GNA13: variants seen among roughly 807,000 people sequenced by gnomAD.
GNA13 encodes the protein G protein subunit alpha 13.
GNA13 carries 4 observed loss-of-function variants against 33.5 expected under a neutral mutation model. That is an observed-to-expected ratio of 0.12 (90% CI 0.06 to 0.27). The LOEUF is 0.27. Among genes scored for constraint, GNA13 ranks in the 10% least tolerant of loss-of-function variants. The probability of loss-of-function intolerance (pLI) is 1.00; values close to 1 mark genes in which losing one functional copy is unlikely to be tolerated. For missense variants in GNA13, 319 were observed against 487.2 expected (o/e 0.65, Z 3.25); for synonymous variants, 176 against 183.8 (o/e 0.96, Z 0.34).
chr17:65,038,609 G>C (rs1038435209), intron 2 of GNA13, among the ~76,000 whole-genome samples: 2 of 151,770 alleles, frequency 1.3e-5, no homozygotes, highest in Non-Finnish European at 2.9e-5. Flanking sequence ...ACGGGGTTGC[G>C]GGGGGGCGTT....
chr17:65,048,180 C>G (rs1260945163), intron 2 of GNA13, among the ~76,000 whole-genome samples: 1 of 152,146 alleles, frequency 6.6e-6, no homozygotes, highest in African/African-American at 2.4e-5. Context: ...ACACACTGTC[C>G]TGTCCTACGT....
rs550915245 is a variant in GNA13 at position 65,034,887 on chromosome 17, GC to G, written c.511-16585del. Reference sequence around the variant, plus strand: ...TGAAACCTCCGCCTCCCTGGTTCAAGCGATTCTCCTGCCTCAGCCTCCTGAG... The same window carrying G: ...TGAAACCTCCGCCTCCCTGGTTCAAGGATTCTCCTGCCTCAGCCTCCTGAG... On this transcript the variant is annotated intron_variant, in intron 2 of 3. Coordinates refer to ENST00000439174, the MANE Select transcript of GNA13 (RefSeq NM_006572.6). Among the ~76,000 whole-genome samples, 424 of 152,038 alleles carry G rather than the reference GC, an allele frequency of 2.8e-3. 1 individual carries two copies. In the Middle Eastern group the frequency reaches 0.031, roughly 11 times the overall value.
In GNA13 at chr17:65,013,707, A is replaced by G. The variant is rs1243656592; in HGVS notation, c.*550T>C. 3 of 208,412 alleles carry G rather than the reference A, an allele frequency of 1.4e-5. No homozygotes were observed. Among genetic ancestry groups the G allele is most frequent in the African/African-American group, 6.8e-5 (3 of 43,988 alleles). 12.9% of individuals were successfully genotyped at this position (208,412 alleles called of 1,614,324 possible). A position where few individuals can be genotyped will look rare whatever the true frequency, so the allele number is the denominator to read the frequency against. On this transcript the variant is annotated 3_prime_UTR_variant, in exon 4 of 4. Transcript: ENST00000439174. The stretch of plus-strand genomic sequence containing the variant: ...TCTAAAAGCAAAACAGCTGTTGTGT[A>G]TACAAGCAATTAAAATATGAAGGCT...
At chr17:65,024,370 C>CA (rs1354411005) in intron 2 of GNA13, among the ~76,000 whole-genome samples, 2 of 152,050 alleles carry the variant, frequency 1.3e-5, no homozygotes, top group Admixed American at 6.5e-5. Context: ...CTGACTCTGA[C>CA]AAAAAAATGC....
At chr17:65,026,912 G>A (rs1417181736) in intron 2 of GNA13, among the ~76,000 whole-genome samples, 2 of 152,142 alleles carry the variant, frequency 1.3e-5, no homozygotes, top group African/African-American at 4.8e-5. Context: ...CCAAGTAGCT[G>A]GGATTACAAG....
intron 2 of GNA13, among the ~76,000 whole-genome samples, chr17:65,020,302 G>T (rs1441778648): frequency 6.6e-6 from 1 of 152,164 alleles, no homozygotes; most frequent in Non-Finnish European, 1.5e-5. Context: ...AACAAGGAGT[G>T]ATCTGGCCAA....
rs1410052019 is a variant in GNA13, at chr17:65,012,461, C to G, written c.*1796G>C. 1 of 220,280 alleles carries G rather than the reference C, an allele frequency of 4.5e-6. No individual in the cohort carries two copies. Among genetic ancestry groups the G allele is most frequent in the African/African-American group, 2.2e-5 (1 of 44,600 alleles). 13.6% of individuals were successfully genotyped at this position (220,280 alleles called of 1,614,324 possible). ...ACTATTCAAACACGCATGAATGATA[C>G]CATGATACCACGAACATGCACGATA... On this transcript the variant is annotated 3_prime_UTR_variant, in exon 4 of 4. Coordinates refer to ENST00000439174, the MANE Select transcript of GNA13 (RefSeq NM_006572.6).
intron 2 of GNA13, among the ~76,000 whole-genome samples, chr17:65,038,209 C>G (rs1907327943): frequency 1.3e-5 from 2 of 152,146 alleles, no homozygotes; most frequent in Admixed American, 6.5e-5. Flanking sequence ...TCGAGACCAG[C>G]CTGGCCAATA....
intron 2 of GNA13, among the ~76,000 whole-genome samples, chr17:65,037,988 C>T (rs1907319875): frequency 6.6e-6 from 1 of 152,122 alleles, no homozygotes; most frequent in African/African-American, 2.4e-5. Context: ...ATCAAGCTGT[C>T]AACCTGGTAT....
At chr17:65,054,905 G>A (rs914399941) in intron 1 of GNA13, among the ~76,000 whole-genome samples, 3 of 152,158 alleles carry the variant, frequency 2.0e-5, no homozygotes, top group Non-Finnish European at 2.9e-5. Context: ...CATTACAGCA[G>A]GATAAATACA....
intron 3 of GNA13, among the ~76,000 whole-genome samples, 177 bp downstream of exon 3, chr17:65,018,076 A>G (rs1906434916): frequency 7.0e-6 from 1 of 143,542 alleles, no homozygotes; most frequent in African/African-American, 2.6e-5. Context: ...GCAGAGAAGA[A>G]TCAGAACGCC....
At chr17:65,018,570 C>G (rs1328440067) in intron 2 of GNA13, among the ~76,000 whole-genome samples, 2 of 152,174 alleles carry the variant, frequency 1.3e-5, no homozygotes, top group Non-Finnish European at 2.9e-5. Flanking sequence ...TACACGCATG[C>G]TTTTTGCTAT....
chr17:65,053,854 G>C (rs1907944273), intron 1 of GNA13, 126 bp from the exon 2 acceptor site: 1 of 624,442 alleles, frequency 1.6e-6, no homozygotes, highest in Non-Finnish European at 2.8e-6. Context: ...CAAAAATGAA[G>C]ACCAACATCG....
rs773411788 is a variant in GNA13 at position 65,012,810 on chromosome 17, T to C, written c.*1447A>G. 56 of 217,420 alleles carry C rather than the reference T, an allele frequency of 2.6e-4. No homozygotes were observed. The Admixed American group carries it at 3.0e-3, about 12-fold the overall frequency. 13.5% of individuals were successfully genotyped at this position (217,420 alleles called of 1,614,324 possible). A position where few individuals can be genotyped will look rare whatever the true frequency, so the allele number is the denominator to read the frequency against. The stretch of plus-strand genomic sequence containing the variant: ...ACAGTCTTAAAATTTTCAGGAAAAG[T>C]AGAAAAGCTGTCAGACTTTTCAAGC... On this transcript the variant is annotated 3_prime_UTR_variant, in exon 4 of 4. Transcript: ENST00000439174.
chr17:65,027,664 T>C (rs1271453037), intron 2 of GNA13, among the ~76,000 whole-genome samples: 1 of 152,192 alleles, frequency 6.6e-6, no homozygotes, highest in Non-Finnish European at 1.5e-5. Flanking sequence ...AAATAATATA[T>C]ATGTTTGAAA....
chr17:65,018,127 A>AAGAGAG, intron 3 of GNA13, 126 bp downstream of exon 3: 1 of 228,386 alleles, frequency 4.4e-6, no homozygotes, highest in Non-Finnish European at 8.4e-6. Flanking sequence ...AAAAAAAAAA[A>AAGAGAG]AAAAAAAAAA....
intron 2 of GNA13, among the ~76,000 whole-genome samples, chr17:65,034,067 A>G: frequency 6.7e-6 from 1 of 150,032 alleles, no homozygotes; most frequent in African/African-American, 2.4e-5. Context: ...AGTCAGTTAC[A>G]TCATAAACCA....
chr17:65,021,671 C>T (rs1310721503), intron 2 of GNA13, among the ~76,000 whole-genome samples: 2 of 152,180 alleles, frequency 1.3e-5, no homozygotes, highest in Non-Finnish European at 2.9e-5. Context: ...AACTGATCTG[C>T]TGTTTTAGAA....
At chr17:65,019,521 CA>C (rs1268770317) in intron 2 of GNA13, among the ~76,000 whole-genome samples, 6 of 152,124 alleles carry the variant, frequency 3.9e-5, no homozygotes, top group African/African-American at 1.2e-4. Context: ...TTTGCAACAA[CA>C]TATATGGAAG....
Sources: gnomAD v4.1 joint callset for allele counts (sites outside exome capture counted in the v4.1 genomes callset) on GRCh38, gnomAD v4.1.1 for gene constraint, MANE v1.5 for transcripts, NCBI Gene and HGNC (gene_info 2026-07-23, HGNC 2026-07-21) for gene names.